Variants in METTL15 observed in about 807,000 individuals in gnomAD.
METTL15 encodes the protein 12S rRNA N(4)-cytidine methyltransferase METTL15.
METTL15 carries 34 observed loss-of-function variants against 38.3 expected under a neutral mutation model. The ratio of observed to expected loss-of-function variants is 0.89; its 90% CI spans 0.68 to 1.18. The LOEUF is 1.18. Ranked by LOEUF, METTL15 falls within the 50% of genes most tolerant of loss-of-function variation. METTL15 has a pLI of 0.00. For missense variants in METTL15, 438 were observed against 498.4 expected, an observed-to-expected ratio of 0.88 and a Z score of 1.15; for synonymous variants, 162 against 170.9, an observed-to-expected ratio of 0.95 and a Z score of 0.41.
At chr11:28,214,494 A>G (rs1252270147) in intron 4 of METTL15, among the ~76,000 whole-genome samples, 1 of 152,230 alleles carries the variant, frequency 6.6e-6, no homozygotes, top group Non-Finnish European at 1.5e-5. Context: ...TATTTCATGA[A>G]GATGAGATGT....
chr11:28,230,475 A>G (rs1853642944), intron 4 of METTL15, among the ~76,000 whole-genome samples: 1 of 151,970 alleles, frequency 6.6e-6, no homozygotes, highest in South Asian at 2.1e-4. Flanking sequence ...ATGGTACAGG[A>G]TAAGAATAGC....
chr11:28,262,759 C>A (rs1024065156), intron 4 of METTL15, among the ~76,000 whole-genome samples: 3 of 152,086 alleles, frequency 2.0e-5, no homozygotes, highest in Non-Finnish European at 4.4e-5. Flanking sequence ...GTAGCCCACA[C>A]CTTCTCATTC....
chr11:28,503,539 T>C (rs2133493334), intron 6 of METTL15, among the ~76,000 whole-genome samples: 1 of 152,306 alleles, frequency 6.6e-6, no homozygotes, highest in Non-Finnish European at 1.5e-5. Flanking sequence ...ACACCTGCAA[T>C]CCCAGCACTT....
intron 6 of METTL15, among the ~76,000 whole-genome samples, chr11:28,310,458 A>G (rs943231071): frequency 6.6e-6 from 1 of 152,082 alleles, no homozygotes; most frequent in Non-Finnish European, 1.5e-5. Context: ...CTAAAGGCCT[A>G]GTAATATTTC....
intron 3 of METTL15, among the ~76,000 whole-genome samples, chr11:28,133,300 A>G (rs933229774): frequency 2.0e-5 from 3 of 152,236 alleles, no homozygotes; most frequent in Admixed American, 6.5e-5. Flanking sequence ...GGCAGGGAAT[A>G]GATGCCTTAT....
chr11:28,132,931 G>A (rs1849387035), intron 3 of METTL15, among the ~76,000 whole-genome samples: 1 of 151,896 alleles, frequency 6.6e-6, no homozygotes, highest in Non-Finnish European at 1.5e-5. Flanking sequence ...ACATTTTTTT[G>A]AGTTTTAATT....
At chr11:28,423,500 A>G (rs1850839006) in intron 5 of METTL15, among the ~76,000 whole-genome samples, 1 of 152,136 alleles carries the variant, frequency 6.6e-6, no homozygotes, top group Non-Finnish European at 1.5e-5. Context: ...GTATATTTAC[A>G]CAATGGAGTA....
chr11:28,467,412 C>T (rs546656230), intron 6 of METTL15, among the ~76,000 whole-genome samples: 1 of 152,336 alleles, frequency 6.6e-6, no homozygotes, highest in African/African-American at 2.4e-5. Flanking sequence ...CCCAGGCCTT[C>T]GACAAGAGGC....
At chr11:28,266,926 A>T (rs1353222903) in intron 4 of METTL15, among the ~76,000 whole-genome samples, 1 of 152,036 alleles carries the variant, frequency 6.6e-6, no homozygotes, top group Non-Finnish European at 1.5e-5. Context: ...TTGGGAGGCC[A>T]AGGTGGGTGG....
At chr11:28,281,028 C>T (rs1243156513) in intron 4 of METTL15, among the ~76,000 whole-genome samples, 1 of 151,826 alleles carries the variant, frequency 6.6e-6, no homozygotes, top group African/African-American at 2.4e-5. Context: ...TGTTCTTATC[C>T]TTGTGTCTGT....
At chr11:28,245,566 T>C (rs1188079878) in intron 4 of METTL15, among the ~76,000 whole-genome samples, 1 of 152,094 alleles carries the variant, frequency 6.6e-6, no homozygotes, top group African/African-American at 2.4e-5. Context: ...TTTTCAAAAT[T>C]GGAAAAGTTG....
intron 3 of METTL15, among the ~76,000 whole-genome samples, chr11:28,174,710 G>A (rs1246239876): frequency 1.3e-5 from 2 of 151,610 alleles, no homozygotes; most frequent in South Asian, 4.2e-4. Context: ...AGCTACTCAG[G>A]AGGCTGAGGC....
At chr11:28,351,812 A>G (rs983764376) in intron 3 of METTL15, among the ~76,000 whole-genome samples, 1 of 152,228 alleles carries the variant, frequency 6.6e-6, no homozygotes, top group Non-Finnish European at 1.5e-5. Flanking sequence ...TTAAAGAAAG[A>G]AAGCTCACAG....
intron 3 of METTL15, among the ~76,000 whole-genome samples, chr11:28,338,643 G>A (rs1590338261): frequency 6.6e-6 from 1 of 152,072 alleles, no homozygotes; most frequent in African/African-American, 2.4e-5. Flanking sequence ...CATCCACAGA[G>A]TGGATGAGAG....
At chr11:28,211,330 C>A in intron 4 of METTL15, 132 bp downstream of exon 4, 4 of 726,682 alleles carry the variant, frequency 5.5e-6, no homozygotes, top group Non-Finnish European at 6.1e-6. Context: ...CTTTTTTCCC[C>A]AAAAAGAATT....
intron 3 of METTL15, among the ~76,000 whole-genome samples, chr11:28,171,622 G>A (rs1426243037): frequency 6.6e-6 from 1 of 152,072 alleles, no homozygotes; most frequent in African/African-American, 2.4e-5. Context: ...TAGCAAACTA[G>A]CATCATTTGA....
intron 3 of METTL15, among the ~76,000 whole-genome samples, chr11:28,169,519 C>T (rs1484573600): frequency 6.6e-6 from 1 of 151,944 alleles, no homozygotes; most frequent in Non-Finnish European, 1.5e-5. Flanking sequence ...GATGATGTAC[C>T]AGAATTACTG....
In METTL15 at chr11:28,421,216, T is replaced by G. The variant is rs12278249; in HGVS notation, c.*359-3083T>G. 0.026 allele frequency among the ~76,000 whole-genome samples: 3,996 copies of G among 151,904 alleles called. 308 individuals carry two copies. In the East Asian group the frequency reaches 0.31, roughly 12 times the overall value. On this transcript the variant is annotated intron_variant and NMD_transcript_variant, in intron 5 of 7. Coordinates refer to the METTL15 transcript ENST00000532947. ...GCAAGTAATAAGATCAAGACCATAA[T>G]AAAAAACATCTCCCAGCAGAAAAAA...
chr11:28,266,131 C>T (rs190005018), intron 4 of METTL15, among the ~76,000 whole-genome samples: 166 of 152,210 alleles, frequency 1.1e-3, no homozygotes, highest in African/African-American at 3.9e-3. Flanking sequence ...CTAGTTCAAC[C>T]GTTGTGGAAG....
Sources: gnomAD v4.1 joint callset for allele counts (sites outside exome capture counted in the v4.1 genomes callset) on GRCh38, gnomAD v4.1.1 for gene constraint, MANE v1.5 for transcripts, NCBI Gene and HGNC (gene_info 2026-07-23, HGNC 2026-07-21) for gene names.